The following NTRK2 variants were observed in gnomAD, a reference collection of about 807,000 sequenced individuals.
The protein encoded by NTRK2 is neurotrophic receptor tyrosine kinase 2.
In NTRK2, 13 loss-of-function variants were observed where a neutral mutation model predicts 94.5. The ratio of observed to expected loss-of-function variants is 0.14; its 90% CI spans 0.09 to 0.22. The LOEUF is 0.22. NTRK2 is among the 10% of genes least tolerant of loss of function. The probability of loss-of-function intolerance (pLI) is 1.00; values close to 1 mark genes in which losing one functional copy is unlikely to be tolerated. For synonymous variants in NTRK2, 372 were observed against 407.4 expected (o/e 0.91, Z 1.05); for missense variants, 639 against 1,071.2 (o/e 0.60, Z 5.63).
intron 17 of NTRK2, among the ~76,000 whole-genome samples, chr9:84,960,920 G>A (rs537364832): frequency 1.6e-4 from 24 of 152,228 alleles, no homozygotes; most frequent in Non-Finnish European, 3.1e-4. Context: ...CTCCCACCAG[G>A]ACTCCCACTT....
chr9:84,996,812 C>T (rs1588144517), intron 17 of NTRK2, among the ~76,000 whole-genome samples: 1 of 152,386 alleles, frequency 6.6e-6, no homozygotes, highest in South Asian at 2.1e-4. Flanking sequence ...ACACAGGCTA[C>T]AGCTTGTCCC....
chr9:84,877,246 C>G (rs147701884), intron 14 of NTRK2: 1 of 1,065,762 alleles, frequency 9.4e-7, no homozygotes, highest in African/African-American at 1.6e-5. Flanking sequence ...ATCTCAGTGT[C>G]CTCTTTAGTT....
At chr9:85,005,949 T>C (rs1830913936) in intron 17 of NTRK2, among the ~76,000 whole-genome samples, 1 of 152,172 alleles carries the variant, frequency 6.6e-6, no homozygotes, top group South Asian at 2.1e-4. Context: ...ATATGACCTT[T>C]GTATCCCACT....
chr9:84,772,020 A>G (rs1351337231), intron 12 of NTRK2, among the ~76,000 whole-genome samples: 1 of 152,162 alleles, frequency 6.6e-6, no homozygotes, highest in Non-Finnish European at 1.5e-5. Context: ...AAGCTTTCCT[A>G]TGTTCTTCTT....
At chr9:84,802,456 G>A (rs2070605695) in intron 12 of NTRK2, among the ~76,000 whole-genome samples, 1 of 152,230 alleles carries the variant, frequency 6.6e-6, no homozygotes, top group Non-Finnish European at 1.5e-5. Flanking sequence ...GTGTTGCTGT[G>A]TAAAACCACT....
intron 14 of NTRK2, among the ~76,000 whole-genome samples, chr9:84,878,931 G>A (rs2076171871): frequency 6.6e-6 from 1 of 152,122 alleles, no homozygotes. Context: ...TGGCCTAATT[G>A]TCCTTCCTCA....
At chr9:84,986,248 G>A (rs575793904) in intron 17 of NTRK2, among the ~76,000 whole-genome samples, 2 of 152,182 alleles carry the variant, frequency 1.3e-5, no homozygotes, top group South Asian at 2.1e-4. Context: ...ATTCTCTAGA[G>A]CAGCATTCCC....
intron 9 of NTRK2, among the ~76,000 whole-genome samples, chr9:84,736,707 C>T (rs2063286270): frequency 6.6e-6 from 1 of 152,150 alleles, no homozygotes; most frequent in South Asian, 2.1e-4. Context: ...CTCAGGAGTG[C>T]TAATGTTAGT....
At chr9:85,006,136 T>C (rs1460245404) in intron 17 of NTRK2, among the ~76,000 whole-genome samples, 1 of 152,234 alleles carries the variant, frequency 6.6e-6, no homozygotes, top group Non-Finnish European at 1.5e-5. Flanking sequence ...CTATACTTTT[T>C]GCAATAAGTG....
At chr9:84,886,356 G>A (rs1404472282) in intron 14 of NTRK2, among the ~76,000 whole-genome samples, 1 of 152,212 alleles carries the variant, frequency 6.6e-6, no homozygotes, top group Non-Finnish European at 1.5e-5. Flanking sequence ...AGCTTCGAAA[G>A]CTTTTGGAGC....
intron 5 of NTRK2, among the ~76,000 whole-genome samples, chr9:84,709,483 G>A (rs1186589784): frequency 6.6e-6 from 1 of 152,002 alleles, no homozygotes; most frequent in Non-Finnish European, 1.5e-5. Flanking sequence ...GGTGTTGGAG[G>A]GATACTTGGA....
intron 12 of NTRK2, among the ~76,000 whole-genome samples, chr9:84,816,887 A>G (rs1012062904): frequency 6.6e-6 from 1 of 152,102 alleles, no homozygotes; most frequent in Non-Finnish European, 1.5e-5. Flanking sequence ...AACAGGTTGC[A>G]TCTAACATCT....
At chr9:84,831,163 A>G (rs1166489921) in intron 12 of NTRK2, among the ~76,000 whole-genome samples, 1 of 152,198 alleles carries the variant, frequency 6.6e-6, no homozygotes, top group Non-Finnish European at 1.5e-5. Flanking sequence ...ATCTCTGTCC[A>G]TATCTCTGGA....
intron 12 of NTRK2, among the ~76,000 whole-genome samples, chr9:84,754,118 G>A (rs1434435714): frequency 6.6e-6 from 1 of 152,170 alleles, no homozygotes. Context: ...TACCACTAAA[G>A]CGTCTACGTT....
intron 12 of NTRK2, chr9:84,812,238 A>G (rs777102023): frequency 5.7e-6 from 6 of 1,056,456 alleles, no homozygotes; most frequent in Non-Finnish European, 6.9e-6. Context: ...TCCATAATGA[A>G]TATTTTATAC....
At chr9:84,757,124 A>G (rs942363736) in intron 12 of NTRK2, among the ~76,000 whole-genome samples, 3 of 152,334 alleles carry the variant, frequency 2.0e-5, no homozygotes, top group Non-Finnish European at 1.5e-5. Flanking sequence ...CTGTAAGGAC[A>G]AACTGTTTTC....
intron 12 of NTRK2, among the ~76,000 whole-genome samples, chr9:84,754,919 A>ACT (rs1382527470): frequency 6.6e-6 from 1 of 151,978 alleles, no homozygotes; most frequent in Non-Finnish European, 1.5e-5. Context: ...GTAATGGAAA[A>ACT]CTCGAGAATA....
chr9:85,010,523 A>T lies in NTRK2; in HGVS notation c.2173-9683A>T, dbSNP rs1169604578. Reference sequence around the variant, plus strand: ...ATAGCTTTGGAATGCACAACTTCCCATTGCTGAGTGATGTGTAAACACAAT... The same window carrying T: ...ATAGCTTTGGAATGCACAACTTCCCTTTGCTGAGTGATGTGTAAACACAAT... On this transcript the variant is annotated intron_variant, in intron 17 of 18. Transcript: ENST00000277120. Among the ~76,000 whole-genome samples the T allele has an allele frequency of 2.6e-5, 4 of 152,308 alleles. No homozygotes were observed. In the East Asian group the frequency reaches 7.7e-4, roughly 29 times the overall value.
intron 12 of NTRK2, chr9:84,811,040 T>G: frequency 9.2e-7 from 1 of 1,081,160 alleles, no homozygotes; most frequent in Non-Finnish European, 1.1e-6. Context: ...CTAATCTACA[T>G]GTAACACATA....
Sources: gnomAD v4.1 joint callset for allele counts (sites outside exome capture counted in the v4.1 genomes callset) on GRCh38, gnomAD v4.1.1 for gene constraint, MANE v1.5 for transcripts, NCBI Gene and HGNC (gene_info 2026-07-23, HGNC 2026-07-21) for gene names.